The following RECQL5 variants were observed in gnomAD, a reference collection of about 807,000 sequenced individuals.
RECQL5 encodes the protein ATP-dependent DNA helicase Q5.
RECQL5 carries 88 observed loss-of-function variants against 103.4 expected under a neutral mutation model. The observed-to-expected ratio is 0.85, with a 90% CI of 0.72 to 1.02. The LOEUF (loss-of-function observed/expected upper bound fraction) is 1.02. Ranked by LOEUF, RECQL5 falls within the 50% of genes least tolerant of loss-of-function variation. RECQL5 has a pLI of 0.00. For missense variants in RECQL5, 1,232 were observed against 1,284.3 expected, an observed-to-expected ratio of 0.96 and a Z score of 0.62; for synonymous variants, 552 against 507.9, an observed-to-expected ratio of 1.09 and a Z score of -1.17.
At chr17:75,655,174 C>G (rs820212) in intron 7 of RECQL5, among the ~76,000 whole-genome samples, 9 of 151,950 alleles carry the variant, frequency 5.9e-5, no homozygotes, top group South Asian at 4.1e-4. Flanking sequence ...TTTGTTCAAG[C>G]GATTTTCCTA....
intron 8 of RECQL5, chr17:75,650,914 C>G: frequency 1.4e-6 from 2 of 1,442,498 alleles, no homozygotes; most frequent in South Asian, 2.9e-5. Context: ...AACTGAGTGG[C>G]TTGTGGGGCC....
intron 8 of RECQL5, chr17:75,646,595 ACAG>A (rs3214823): frequency 0.068 from 10,382 of 152,364 alleles, 399 homozygotes; most frequent in African/African-American, 0.092. Context: ...TTGTTTGGTG[ACAG>A]CAACTAAGGT....
chr17:75,634,279 C>T (rs967303767), intron 8 of RECQL5: 3 of 983,400 alleles, frequency 3.1e-6, no homozygotes, highest in African/African-American at 1.7e-5. Flanking sequence ...GGTGAAGGGC[C>T]ACAGTCTACC....
In RECQL5 at chr17:75,662,674, G is replaced by A. The variant is rs745761640; in HGVS notation, c.576C>T (p.Thr192=). The A allele has an allele frequency of 3.2e-5, 52 of 1,613,956 alleles. No homozygotes were observed. Among genetic ancestry groups the A allele is most frequent in the South Asian group, 1.9e-4 (17 of 91,086 alleles). The part of the protein sequence containing the change: ...RLGHAPCVAL[T]ATATPQVQED... ...CTTGGACCTGTGGGGTGGCTGTGGC[G>A]GTCAGAGCCACACAAGGGGCATGTC... Residue 192 remains threonine, a synonymous_variant, in exon 4 of 20, where the codon ACC becomes ACT. Transcript: ENST00000317905.
intron 3 of RECQL5, among the ~76,000 whole-genome samples, chr17:75,663,882 C>T (rs556399592): frequency 6.6e-6 from 1 of 151,956 alleles, no homozygotes; most frequent in Non-Finnish European, 1.5e-5. Context: ...TGGTGAAACC[C>T]TGTCTCTACT....
chr17:75,631,774 AC>A, intron 8 of RECQL5, 106 bp from the exon 9 acceptor site: 2 of 1,194,868 alleles, frequency 1.7e-6, no homozygotes, highest in Non-Finnish European at 2.4e-6. Flanking sequence ...CGCGTCCGGC[AC>A]CATGCCGGGA....
chr17:75,633,868 A>G, intron 8 of RECQL5: 1 of 994,032 alleles, frequency 1.0e-6, no homozygotes, highest in Non-Finnish European at 1.2e-6. Context: ...AGTCGGGGAG[A>G]GGGAGAGGAG....
chr17:75,629,261 G>C lies in RECQL5; in HGVS notation c.2162C>G (p.Ala721Gly). ...GPRGEVPGGS[A>G]HYGGPSPEKK... ...CTCAGGGGAGGGCCCCCCATAGTGA[G>C]CGCTGCCTCCAGGGACCTCCCCTCT... is the stretch of plus-strand genomic sequence containing the variant. Residue 721 changes from alanine to glycine, a missense_variant, in exon 16 of 20, where the codon GCT (alanine) becomes GGT (glycine). Transcript: ENST00000317905. 2 of 1,609,934 alleles carry C rather than the reference G, an allele frequency of 1.2e-6. No individual in the cohort carries two copies. The highest frequency in any genetic ancestry group is 8.5e-7 in the Non-Finnish European group (1 of 1,177,878).
In RECQL5 at chr17:75,629,125, G is replaced by T. The variant is rs1200671695; in HGVS notation, c.2298C>A (p.Arg766=). Residue 766 remains arginine, a synonymous_variant, in exon 16 of 20, where the codon CGC becomes CGA. Coordinates refer to ENST00000317905, the MANE Select transcript of RECQL5 (RefSeq NM_004259.7). ...AAHKDSQSIA[R]FFCRRVESPA... ...GGCTTTCCACCCTTCGGCAGAAGAA[G>T]CGGGCGATGCTCTGAGAATCCTTGT... The T allele has an allele frequency of 6.2e-7, 1 of 1,613,802 alleles. No individual in the cohort carries two copies. The highest frequency in any genetic ancestry group is 2.2e-5 in the East Asian group (1 of 44,886).
chr17:75,664,594 C>A (rs942608112), intron 3 of RECQL5, among the ~76,000 whole-genome samples: 1 of 152,046 alleles, frequency 6.6e-6, no homozygotes, highest in East Asian at 1.9e-4. Context: ...CCCAATATAG[C>A]GAATGAGATA....
rs2059419063 is a variant in RECQL5, at chr17:75,640,627, T to C, written c.1230-8959A>G. 6.6e-6 allele frequency among the ~76,000 whole-genome samples: 1 copy of C among 152,104 alleles called. No homozygotes were observed. Among genetic ancestry groups the C allele is most frequent in the African/African-American group, 2.4e-5 (1 of 41,420 alleles). On this transcript the variant is annotated intron_variant, in intron 8 of 19. Transcript: ENST00000317905. This position sits in a 1 kb window ranked among gnomAD's most constrained non-coding sequence, Gnocchi z 4.6. Reference sequence around the variant, plus strand: ...CATGGAGGAGGTTGGCCCTGGCGGCTGGCATGGGGACCGTCCGCACCTCTC... The same window carrying C: ...CATGGAGGAGGTTGGCCCTGGCGGCCGGCATGGGGACCGTCCGCACCTCTC...
In RECQL5 at chr17:75,640,753, C is replaced by A. The variant is rs1276363753; in HGVS notation, c.1230-9085G>T. The A allele has an allele frequency of 1.3e-6, 2 of 1,540,326 alleles. No homozygotes were observed. Among genetic ancestry groups the A allele is most frequent in the South Asian group, 1.2e-5 (1 of 83,814 alleles). Reference sequence around the variant, plus strand: ...GAGGAGGGTGGGCATCCTTTCTCTCCCCCAACCTGAGTCCCGTGCTCTCTC... The same window carrying A: ...GAGGAGGGTGGGCATCCTTTCTCTCACCCAACCTGAGTCCCGTGCTCTCTC... On this transcript the variant is annotated intron_variant, in intron 8 of 19. Transcript: ENST00000317905. The surrounding 1 kb of genome is among the most constrained non-coding windows in gnomAD (Gnocchi z 4.6).
chr17:75,651,979 C>T (rs1315517265), intron 7 of RECQL5, among the ~76,000 whole-genome samples: 2 of 152,178 alleles, frequency 1.3e-5, no homozygotes, highest in Non-Finnish European at 2.9e-5. Context: ...GTAATCCCAG[C>T]ACTTTGGGAG....
intron 7 of RECQL5, among the ~76,000 whole-genome samples, chr17:75,654,988 T>C (rs983673848): frequency 1.3e-5 from 2 of 152,114 alleles, no homozygotes; most frequent in Admixed American, 1.3e-4. Context: ...AGATAAAGTC[T>C]TGTTACATTG....
chr17:75,642,856 G>A (rs1297060250), intron 8 of RECQL5, among the ~76,000 whole-genome samples: 1 of 152,186 alleles, frequency 6.6e-6, no homozygotes, highest in East Asian at 1.9e-4. Flanking sequence ...AAAGGAGCAG[G>A]GCCTGCTTGA....
intron 6 of RECQL5, among the ~76,000 whole-genome samples, chr17:75,658,864 G>A (rs922668089): frequency 6.6e-6 from 1 of 152,124 alleles, no homozygotes; most frequent in Non-Finnish European, 1.5e-5. Context: ...GTTTATATAT[G>A]TCTCATTTAA....
chr17:75,634,317 T>TG, intron 8 of RECQL5: 2 of 951,094 alleles, frequency 2.1e-6, no homozygotes, highest in Non-Finnish European at 2.5e-6. Context: ...TTCGGGGACA[T>TG]GCTGGGTCGC....
At chr17:75,650,761 G>T in intron 8 of RECQL5, 1 of 1,593,972 alleles carries the variant, frequency 6.3e-7, no homozygotes, top group Non-Finnish European at 8.5e-7. Context: ...CAAAGCACAT[G>T]ACTCCCCGAG....
chr17:75,629,912 T>C (rs930385810), intron 14 of RECQL5, 70 bp from the exon 15 acceptor site: 12 of 1,527,510 alleles, frequency 7.9e-6, no homozygotes, highest in Non-Finnish European at 1.1e-5. Flanking sequence ...CTAGCCCTCC[T>C]TTTCTACTAG....
Sources: allele counts gnomAD v4.1 joint callset (sites outside exome capture counted in the v4.1 genomes callset), GRCh38; gene constraint gnomAD v4.1.1; non-coding constraint Gnocchi (gnomAD v3.1); transcripts MANE v1.5; gene names NCBI Gene and HGNC (gene_info 2026-07-23, HGNC 2026-07-21).